ATP8B4: variants seen among roughly 807,000 people sequenced by gnomAD.
ATP8B4 encodes the protein ATPase phospholipid transporting 8B4 (putative).
Under a neutral mutation model 145.6 loss-of-function variants are expected in ATP8B4, and 133 were observed. The observed-to-expected ratio is 0.91, with a 90% CI of 0.79 to 1.05. The LOEUF (loss-of-function observed/expected upper bound fraction) is 1.05. Among genes scored for constraint, ATP8B4 ranks in the 50% least tolerant of loss-of-function variants. The pLI is 0.00. For missense variants in ATP8B4, 1,458 were observed against 1,425.2 expected (o/e 1.02, Z -0.37); for synonymous variants, 507 against 492.9 (o/e 1.03, Z -0.38).
intron 19 of ATP8B4, among the ~76,000 whole-genome samples, chr15:49,917,462 GA>G (rs1257319109): frequency 1.3e-5 from 2 of 151,846 alleles, no homozygotes; most frequent in Non-Finnish European, 2.9e-5. Flanking sequence ...ACAATTTGAA[GA>G]AAAAACTCAC....
rs146754292 is a variant in ATP8B4 at position 49,952,733 on chromosome 15, C to A, written c.1287+9244G>T. 3.3e-3 allele frequency among the ~76,000 whole-genome samples: 499 copies of A among 152,256 alleles called. 4 individuals are homozygous for A. Among genetic ancestry groups the A allele is most frequent in the Non-Finnish European group, 6.2e-3 (422 of 68,028 alleles). On this transcript the variant is annotated intron_variant, in intron 14 of 27. Transcript: ENST00000284509. Reference sequence around the variant, plus strand: ...ATCTGATCCTCTGTCCAGTTCTGCACCCTTGATGGAGAGATGTTGCAATCA... The same window carrying A: ...ATCTGATCCTCTGTCCAGTTCTGCAACCTTGATGGAGAGATGTTGCAATCA...
chr15:50,105,606 T>C (rs2056637002), intron 2 of ATP8B4, among the ~76,000 whole-genome samples: 1 of 152,172 alleles, frequency 6.6e-6, no homozygotes, highest in African/African-American at 2.4e-5. Flanking sequence ...TATACACAAA[T>C]ACATTAATAG....
chr15:50,053,609 C>A (rs2052358178), intron 3 of ATP8B4, among the ~76,000 whole-genome samples: 1 of 152,184 alleles, frequency 6.6e-6, no homozygotes, highest in South Asian at 2.1e-4. Flanking sequence ...TGGCCCCTAA[C>A]AAAGCTCAAT....
chr15:50,004,256 G>A (rs1055856981), intron 7 of ATP8B4, among the ~76,000 whole-genome samples: 9 of 152,158 alleles, frequency 5.9e-5, no homozygotes, highest in East Asian at 3.9e-4. Flanking sequence ...CAGCGGGGCC[G>A]GGAGGATAAG....
At chr15:49,916,484 A>C (rs1419277607) in intron 20 of ATP8B4, among the ~76,000 whole-genome samples, 1 of 152,158 alleles carries the variant, frequency 6.6e-6, no homozygotes, top group African/African-American at 2.4e-5. Context: ...AACTTATCTG[A>C]TCATAAGCTT....
chr15:50,074,281 G>T, intron 2 of ATP8B4, 96 bp from the exon 3 acceptor site: 1 of 1,034,110 alleles, frequency 9.7e-7, no homozygotes, highest in Non-Finnish European at 1.4e-6. Flanking sequence ...TTGTTGTTAA[G>T]GCTGCAAGAA....
chr15:50,146,543 G>A (rs949423699), intron 1 of ATP8B4, among the ~76,000 whole-genome samples: 1 of 152,210 alleles, frequency 6.6e-6, no homozygotes, highest in African/African-American at 2.4e-5. Context: ...AGGTAAGTTT[G>A]TCTTTGGTAG....
intron 6 of ATP8B4, 44 bp from the exon 7 acceptor site, chr15:50,010,961 T>G (rs775643554): frequency 7.5e-7 from 1 of 1,328,316 alleles, no homozygotes; most frequent in Non-Finnish European, 1.0e-6. Context: ...AATGAAGAAT[T>G]GAAAGTATAA....
chr15:50,003,045 A>C (rs918583186), intron 7 of ATP8B4, among the ~76,000 whole-genome samples: 8 of 152,178 alleles, frequency 5.3e-5, no homozygotes, highest in African/African-American at 1.9e-4. Context: ...TGAATGTCTA[A>C]AAAGAATTGG....
chr15:50,021,159 G>C (rs927012463), intron 6 of ATP8B4, among the ~76,000 whole-genome samples: 4 of 144,362 alleles, frequency 2.8e-5, no homozygotes, highest in African/African-American at 7.7e-5. Context: ...TAGATAGATA[G>C]ATAGATAGAT....
At position 49,866,367 on chromosome 15, in the gene ATP8B4, G is replaced by A. The variant is rs759904936; in HGVS notation, c.3145C>T (p.Pro1049Ser). The A allele has an allele frequency of 6.2e-7, 1 of 1,613,922 alleles. No homozygotes were observed. The highest frequency in any genetic ancestry group is 8.5e-7 in the Non-Finnish European group (1 of 1,179,854). Residue 1049 changes from proline (P) to serine (S), a missense_variant, in exon 26 of 28, where the codon CCA becomes TCA. Transcript: ENST00000284509. ...TTACCAACAAATGGAAACTGGTTTG[G>A]GAAGATGCCAAAGATGCCATTACTG... ...MHSNGIFGIFPNQFPFVGNAR... is the reference protein window; with the variant it reads ...MHSNGIFGIFSNQFPFVGNAR...
At chr15:49,952,749 G>A (rs771770595) in intron 14 of ATP8B4, among the ~76,000 whole-genome samples, 1 of 152,136 alleles carries the variant, frequency 6.6e-6, no homozygotes, top group Non-Finnish European at 1.5e-5. Context: ...ATGGAGAGAT[G>A]TTGCAATCAT....
At chr15:49,951,934 T>C (rs531545045) in intron 14 of ATP8B4, among the ~76,000 whole-genome samples, 192 of 152,324 alleles carry the variant, frequency 1.3e-3, no homozygotes, top group Middle Eastern at 3.4e-3. Context: ...AAGGATTTTA[T>C]TTCTCCTTCA....
At chr15:50,077,560 G>A (rs2054263612) in intron 2 of ATP8B4, among the ~76,000 whole-genome samples, 1 of 152,216 alleles carries the variant, frequency 6.6e-6, no homozygotes, top group African/African-American at 2.4e-5. Context: ...TGAAGATTGA[G>A]AGTATGTTAT....
intron 1 of ATP8B4, among the ~76,000 whole-genome samples, chr15:50,116,112 T>C (rs2057153256): frequency 6.6e-6 from 1 of 152,126 alleles, no homozygotes; most frequent in Non-Finnish European, 1.5e-5. Context: ...TAGTTAAATA[T>C]GCAGTCTATA....
Position 49,981,207 on chromosome 15 carries a change from C to G in ATP8B4, c.836G>C (p.Trp279Ser). 6.3e-7 allele frequency: 1 copy of G among 1,582,318 alleles called. No individual in the cohort carries two copies. Among genetic ancestry groups the G allele is most frequent in the Non-Finnish European group, 8.7e-7 (1 of 1,155,518 alleles). Reference protein sequence around the residue: ...IDRLMNTLVLWIFGFLICLGI... With the variant: ...IDRLMNTLVLSIFGFLICLGI... ...ATATTGCCTAGTTTTGTAACTTACC[C>G]ATAGTACTAGAGTATTCATCAATCT... is the stretch of plus-strand genomic sequence containing the variant. Residue 279 changes from tryptophan (W) to serine (S), a missense_variant and splice_region_variant, in exon 11 of 28, where the codon TGG (tryptophan) becomes TCG (serine). By Grantham distance (177) the Trp-to-Ser change is radical (BLOSUM62 -3). Coordinates refer to ENST00000284509, the MANE Select transcript of ATP8B4 (RefSeq NM_024837.4).
chr15:50,141,260 T>G (rs2044205047), intron 1 of ATP8B4, among the ~76,000 whole-genome samples: 1 of 152,056 alleles, frequency 6.6e-6, no homozygotes, highest in Non-Finnish European at 1.5e-5. Flanking sequence ...TTTTAAGTGA[T>G]GCTAACTGAT....
At chr15:50,123,941 T>C (rs931922282), upstream of ATP8B4, among the ~76,000 whole-genome samples, 1 of 152,100 alleles carries the variant, frequency 6.6e-6, no homozygotes, top group Non-Finnish European at 1.5e-5. Context: ...TAAAGATAAT[T>C]CAAAGTTTTA....
intron 14 of ATP8B4, among the ~76,000 whole-genome samples, chr15:49,954,300 C>G (rs1276911080): frequency 6.6e-6 from 1 of 151,986 alleles, no homozygotes; most frequent in African/African-American, 2.4e-5. Context: ...TCTAGAGAAC[C>G]CTGACTAATA....
Sources: allele counts gnomAD v4.1 joint callset (sites outside exome capture counted in the v4.1 genomes callset), GRCh38; gene constraint gnomAD v4.1.1; transcripts MANE v1.5; gene names NCBI Gene and HGNC (gene_info 2026-07-23, HGNC 2026-07-21).